The following OSMR variants were observed in gnomAD, a reference collection of about 807,000 sequenced individuals.
OSMR encodes the protein oncostatin-M-specific receptor subunit beta.
A neutral mutation model predicts 99.9 loss-of-function variants in OSMR; 81 were observed. That is an observed-to-expected ratio of 0.81 (90% CI 0.68 to 0.97). OSMR has a LOEUF of 0.97. Ranked by LOEUF, OSMR falls within the 50% of genes least tolerant of loss-of-function variation. OSMR has a pLI of 0.00. For synonymous variants in OSMR, 406 were observed against 410.4 expected (o/e 0.99, Z 0.13); for missense variants, 1,099 against 1,153.4 (o/e 0.95, Z 0.68).
intron 4 of OSMR, among the ~76,000 whole-genome samples, chr5:38,883,173 G>A (rs1743431363): frequency 1.3e-5 from 2 of 152,306 alleles, no homozygotes; most frequent in African/African-American, 4.8e-5. Flanking sequence ...AAATCAGCTG[G>A]GTGTGGTGGC....
At chr5:38,847,130 A>G (rs1028731927) in intron 1 of OSMR, among the ~76,000 whole-genome samples, 4 of 152,256 alleles carry the variant, frequency 2.6e-5, no homozygotes, top group Admixed American at 1.3e-4. Flanking sequence ...AATTGAATGT[A>G]GGATACTTAG....
intron 9 of OSMR, among the ~76,000 whole-genome samples, chr5:38,910,869 G>T (rs1579768995): frequency 6.6e-6 from 1 of 152,242 alleles, no homozygotes; most frequent in East Asian, 1.9e-4. Context: ...AATTAGCCAG[G>T]CGTGGTGGCA....
chr5:38,923,135 A>G lies in OSMR; in HGVS notation c.1766-15A>G. The G allele has an allele frequency of 2.5e-6, 4 of 1,612,414 alleles. No homozygotes were observed. Among genetic ancestry groups the G allele is most frequent in the Non-Finnish European group, 2.5e-6 (3 of 1,178,624 alleles). On this transcript the variant is annotated splice_polypyrimidine_tract_variant and intron_variant, in intron 12 of 17. Transcript: ENST00000274276. ...TCATTCTGTTATTAAAAATCTGTTG[A>G]CTTTTTTTCCCTAGATGCTTTTAGG...
chr5:38,862,528 C>T (rs2112160102), intron 1 of OSMR, among the ~76,000 whole-genome samples: 1 of 141,468 alleles, frequency 7.1e-6, no homozygotes, highest in East Asian at 2.3e-4. Context: ...TCAGACGGGG[C>T]AGTTGCCGGG....
At chr5:38,900,632 T>C (rs929278351) in intron 7 of OSMR, among the ~76,000 whole-genome samples, 1 of 152,210 alleles carries the variant, frequency 6.6e-6, no homozygotes, top group African/African-American at 2.4e-5. Flanking sequence ...ACAAAGGTTT[T>C]TAAAGAAACA....
downstream of OSMR, chr5:38,939,355 T>C (rs1425039299): frequency 4.3e-6 from 1 of 232,264 alleles, no homozygotes; most frequent in Non-Finnish European, 8.5e-6. Context: ...GTTAATAATG[T>C]ATATACTTCC....
chr5:38,878,720 A>G (rs1743026092), intron 3 of OSMR, among the ~76,000 whole-genome samples: 1 of 152,204 alleles, frequency 6.6e-6, no homozygotes, highest in South Asian at 2.1e-4. Context: ...TGCCACTTCA[A>G]TAAATGAAAT....
chr5:38,864,753 T>C (rs1191213617), intron 1 of OSMR, among the ~76,000 whole-genome samples: 2 of 152,198 alleles, frequency 1.3e-5, no homozygotes, highest in African/African-American at 4.8e-5. Flanking sequence ...ATCTCTGAGC[T>C]TTCTGTATCT....
chr5:38,864,228 T>C (rs1278592895), intron 1 of OSMR, among the ~76,000 whole-genome samples: 1 of 152,220 alleles, frequency 6.6e-6, no homozygotes. Context: ...TTGGTTGTTT[T>C]TTATATTCTT....
chr5:38,933,578 T>A lies in OSMR; in HGVS notation c.*134T>A, dbSNP rs1746885200. The stretch of plus-strand genomic sequence containing the variant: ...TCTGGTTTATATAAGACCACTACAG[T>A]CTGGCTAGGTTAAAGGCCAGAGGCT... On this transcript the variant is annotated 3_prime_UTR_variant, in exon 18 of 18. Transcript: ENST00000274276. 1.0e-6 allele frequency: 1 copy of A among 972,304 alleles called. No individual in the cohort carries two copies. Among genetic ancestry groups the A allele is most frequent in the Non-Finnish European group, 1.6e-6 (1 of 632,072 alleles). 60.2% of individuals were successfully genotyped at this position (972,304 alleles called of 1,614,324 possible). A position where few individuals can be genotyped will look rare whatever the true frequency, so the allele number is the denominator to read the frequency against.
intron 11 of OSMR, 105 bp from the exon 12 acceptor site, chr5:38,921,510 A>T: frequency 6.4e-7 from 1 of 1,567,566 alleles, no homozygotes. Flanking sequence ...GAGGTCTGTT[A>T]CCTACTAGAT....
chr5:38,876,511 T>G, intron 3 of OSMR, 138 bp downstream of exon 3: 1 of 715,296 alleles, frequency 1.4e-6, no homozygotes, highest in Non-Finnish European at 2.4e-6. Context: ...ACAATTACAT[T>G]TCTGCATTTT....
chr5:38,888,105 C>A (rs1184001597), intron 7 of OSMR, among the ~76,000 whole-genome samples: 1 of 152,058 alleles, frequency 6.6e-6, no homozygotes, highest in Non-Finnish European at 1.5e-5. Flanking sequence ...AGAGAAAACC[C>A]CATGTGCAGC....
At position 38,924,274 on chromosome 5, in the gene OSMR, T is replaced by C. The variant is rs10075030; in HGVS notation, c.1871-148T>C. 4,586 of 1,499,254 alleles carry C rather than the reference T, an allele frequency of 3.1e-3. 119 individuals carry two copies. In the African/African-American group the frequency reaches 0.054, roughly 18 times the overall value. 92.9% of individuals were successfully genotyped at this position (1,499,254 alleles called of 1,614,324 possible). ...CTCATAAACTATGTCAAGGCACAAA[T>C]CCTCTAGAGAAACAGATAAAACTCC... On this transcript the variant is annotated intron_variant, in intron 13 of 17. Coordinates refer to ENST00000274276, the MANE Select transcript of OSMR (RefSeq NM_003999.3).
At chr5:38,865,323 C>T (rs1741854634) in intron 1 of OSMR, among the ~76,000 whole-genome samples, 1 of 152,022 alleles carries the variant, frequency 6.6e-6, no homozygotes. Context: ...TTCTTGTGTC[C>T]TTACATTGCT....
intron 9 of OSMR, among the ~76,000 whole-genome samples, chr5:38,911,782 C>G (rs1465467684): frequency 6.6e-6 from 1 of 152,198 alleles, no homozygotes; most frequent in Non-Finnish European, 1.5e-5. Flanking sequence ...AAATGTGATT[C>G]ATCACATAAA....
chr5:38,907,447 G>T (rs1745317910), intron 9 of OSMR, among the ~76,000 whole-genome samples: 1 of 152,206 alleles, frequency 6.6e-6, no homozygotes, highest in African/African-American at 2.4e-5. Flanking sequence ...CATGGCCAGG[G>T]ACACAAATCC....
At chr5:38,915,867 G>A (rs1745863324) in intron 9 of OSMR, among the ~76,000 whole-genome samples, 1 of 152,222 alleles carries the variant, frequency 6.6e-6, no homozygotes, top group African/African-American at 2.4e-5. Context: ...AAAATGAGAT[G>A]TGCTGTTAGG....
chr5:38,918,699 T>C, intron 10 of OSMR, 141 bp from the exon 11 acceptor site: 1 of 1,480,446 alleles, frequency 6.8e-7, no homozygotes, highest in East Asian at 2.5e-5. Flanking sequence ...GTTGAGAGAG[T>C]TATTTTCTCT....
Sources: gnomAD v4.1 joint callset for allele counts (sites outside exome capture counted in the v4.1 genomes callset) on GRCh38, gnomAD v4.1.1 for gene constraint, MANE v1.5 for transcripts, NCBI Gene and HGNC (gene_info 2026-07-23, HGNC 2026-07-21) for gene names.